The following ATE1 variants were observed in gnomAD, a reference collection of about 807,000 sequenced individuals.
ATE1 encodes arginyltransferase 1, also known as arginyl-tRNA--protein transferase 1.
A neutral mutation model predicts 70.5 loss-of-function variants in ATE1; 36 were observed. The ratio of observed to expected loss-of-function variants is 0.51; its 90% confidence interval spans 0.39 to 0.67. The LOEUF (loss-of-function observed/expected upper bound fraction) is 0.67. Among genes scored for constraint, ATE1 ranks in the 30% least tolerant of loss-of-function variants. ATE1 has a pLI of 0.00. For synonymous variants in ATE1, 232 were observed against 219.3 expected (o/e 1.06, Z -0.51); for missense variants, 593 against 629.5 (o/e 0.94, Z 0.62).
chr10:121,804,722 C>CT lies in ATE1; in HGVS notation c.1258-14434dup, dbSNP rs148382329. Among the ~76,000 whole-genome samples the CT allele has an allele frequency of 5.2e-3, 701 of 133,968 alleles. 6 individuals are homozygous for CT. Among genetic ancestry groups the CT allele is most frequent in the East Asian group, 0.014 (68 of 4,720 alleles). The allele number at this position is 133,968 out of a possible 152,430, so 87.9% of individuals were successfully genotyped here. A position where few individuals can be genotyped will look rare whatever the true frequency, so the allele number is the denominator to read the frequency against. On this transcript the variant is annotated intron_variant, in intron 10 of 11. Transcript: ENST00000224652. ...TGGTACGCAGCACACATTCTAGCAACTTTTTTTTTTTTTTTTTGCACTATA... is the reference window on the plus strand; with the variant it reads ...TGGTACGCAGCACACATTCTAGCAACTTTTTTTTTTTTTTTTTTGCACTATA...
At chr10:121,869,956 A>G in intron 8 of ATE1, 50 bp downstream of exon 8, 1 of 1,498,264 alleles carries the variant, frequency 6.7e-7, no homozygotes, top group Admixed American at 1.7e-5. Flanking sequence ...GATATCAACA[A>G]TGGTGTTCAA....
At chr10:121,857,072 CTTT>C (rs1188869833) in intron 8 of ATE1, among the ~76,000 whole-genome samples, 1 of 152,082 alleles carries the variant, frequency 6.6e-6, no homozygotes, top group Non-Finnish European at 1.5e-5. Context: ...GTTTGAACCA[CTTT>C]TTTATTTTTA....
chr10:121,842,532 A>G (rs1041097113), intron 8 of ATE1, among the ~76,000 whole-genome samples: 4 of 152,192 alleles, frequency 2.6e-5, no homozygotes, highest in African/African-American at 7.2e-5. Context: ...AAGAAAATAA[A>G]TCTACAAATC....
intron 11 of ATE1, among the ~76,000 whole-genome samples, chr10:121,764,650 T>A (rs1945200854): frequency 6.6e-6 from 1 of 152,132 alleles, no homozygotes; most frequent in African/African-American, 2.4e-5. Flanking sequence ...AATTAAAAAA[T>A]TTAAAATCGG....
At chr10:121,834,411 G>C (rs1590429061) in intron 10 of ATE1, among the ~76,000 whole-genome samples, 1 of 152,168 alleles carries the variant, frequency 6.6e-6, no homozygotes, top group South Asian at 2.1e-4. Flanking sequence ...AGCAGGCATG[G>C]GGGTACCTCT....
At chr10:121,884,930 T>G (rs766312438) in intron 7 of ATE1, among the ~76,000 whole-genome samples, 1 of 152,128 alleles carries the variant, frequency 6.6e-6, no homozygotes, top group Non-Finnish European at 1.5e-5. Context: ...TTGCCTAAGC[T>G]CTCTACTTTA....
In ATE1 at chr10:121,786,202, G is replaced by GT. The variant is rs66781912; in HGVS notation, c.1378+3966dup. The stretch of plus-strand genomic sequence containing the variant: ...TGGGAAACAGCACATGCTCAAGAAA[G>GT]TTTTTTTTTTTTTTTTTTTTTTTTT... On this transcript the variant is annotated intron_variant, in intron 11 of 11. Transcript: ENST00000224652. Among the ~76,000 whole-genome samples the GT allele has an allele frequency of 1.3e-4, 11 of 84,518 alleles. No homozygotes were observed. In the East Asian group the frequency reaches 1.9e-3, roughly 15 times the overall value. The allele number at this position is 84,518 out of a possible 152,430, so 55.4% of individuals were successfully genotyped here.
intron 11 of ATE1, among the ~76,000 whole-genome samples, chr10:121,755,915 T>C (rs1944780982): frequency 6.6e-6 from 1 of 152,108 alleles, no homozygotes; most frequent in African/African-American, 2.4e-5. Flanking sequence ...TCTCGTATCT[T>C]CACATTTTCA....
intron 11 of ATE1, among the ~76,000 whole-genome samples, chr10:121,774,250 A>G (rs1945641708): frequency 6.6e-6 from 1 of 152,190 alleles, no homozygotes; most frequent in Admixed American, 6.5e-5. Flanking sequence ...GAACTTTTAA[A>G]AACACGCATT....
intron 8 of ATE1, among the ~76,000 whole-genome samples, chr10:121,863,294 C>T (rs1949542161): frequency 6.8e-6 from 1 of 146,312 alleles, no homozygotes; most frequent in Non-Finnish European, 1.5e-5. Context: ...CTTTCTGTCA[C>T]CCAGGCTGGA....
intron 10 of ATE1, among the ~76,000 whole-genome samples, chr10:121,795,442 A>C (rs974700384): frequency 6.6e-6 from 1 of 152,178 alleles, no homozygotes; most frequent in Non-Finnish European, 1.5e-5. Flanking sequence ...AAAAAATATG[A>C]CAGTGTACAA....
In ATE1 at chr10:121,852,324, C is replaced by G. The variant is rs569397765; in HGVS notation, c.976-11061G>C. 9.9e-5 allele frequency among the ~76,000 whole-genome samples: 15 copies of G among 152,272 alleles called. No individual in the cohort carries two copies. The East Asian group carries it at 2.9e-3, about 29-fold the overall frequency. On this transcript the variant is annotated intron_variant, in intron 8 of 11. Coordinates refer to ENST00000224652, the MANE Select transcript of ATE1 (RefSeq NM_001001976.3). ...AGTAAATAACAGTTAATGGAGGCAC[C>G]CAAAGGTAATCCTTTTAGGCACCTG...
At chr10:121,745,813 T>A (rs1944347146) in intron 11 of ATE1, among the ~76,000 whole-genome samples, 1 of 152,010 alleles carries the variant, frequency 6.6e-6, no homozygotes, top group Non-Finnish European at 1.5e-5. Context: ...ATGGCAACAC[T>A]CTCTCTTAGA....
intron 10 of ATE1, among the ~76,000 whole-genome samples, chr10:121,790,999 T>C (rs1946415657): frequency 6.6e-6 from 1 of 151,374 alleles, no homozygotes; most frequent in Admixed American, 6.6e-5. Flanking sequence ...CATACATATA[T>C]GTGTATATAT....
At chr10:121,762,490 T>A (rs1190062521) in intron 11 of ATE1, among the ~76,000 whole-genome samples, 1 of 152,226 alleles carries the variant, frequency 6.6e-6, no homozygotes, top group Non-Finnish European at 1.5e-5. Flanking sequence ...ATGCATCTCC[T>A]GCCAGGGCCA....
intron 10 of ATE1, among the ~76,000 whole-genome samples, chr10:121,821,202 C>A (rs1177947036): frequency 6.6e-6 from 1 of 152,144 alleles, no homozygotes; most frequent in Non-Finnish European, 1.5e-5. Flanking sequence ...CCTCAGCCTC[C>A]CAAAGTGCTG....
At chr10:121,870,988 A>T (rs1230392782) in intron 7 of ATE1, among the ~76,000 whole-genome samples, 1 of 152,172 alleles carries the variant, frequency 6.6e-6, no homozygotes, top group Admixed American at 6.6e-5. Context: ...GTTTCCAAGC[A>T]CTCATGAACT....
chr10:121,909,974 C>G (rs893510593), intron 5 of ATE1, among the ~76,000 whole-genome samples: 2 of 152,142 alleles, frequency 1.3e-5, no homozygotes, highest in Non-Finnish European at 2.9e-5. Context: ...GCCCCAGGAG[C>G]TCAAGGCTGC....
chr10:121,927,952 C>G lies in ATE1; in HGVS notation c.-3G>C, dbSNP rs112652072. ...GAACCCCCCGCCCAGAAAGCCATGGCCTCGGCCCCGCGAACGCTCAGCCGC... is the reference window on the plus strand; with the variant it reads ...GAACCCCCCGCCCAGAAAGCCATGGGCTCGGCCCCGCGAACGCTCAGCCGC... On this transcript the variant is annotated 5_prime_UTR_variant, in exon 1 of 12. Coordinates refer to ENST00000224652, the MANE Select transcript of ATE1 (RefSeq NM_001001976.3). The G allele has an allele frequency of 6.5e-7, 1 of 1,539,608 alleles. No homozygotes were observed.
Sources: allele counts gnomAD v4.1 joint callset (sites outside exome capture counted in the v4.1 genomes callset), GRCh38; gene constraint gnomAD v4.1.1; transcripts MANE v1.5; gene names NCBI Gene and HGNC (gene_info 2026-07-23, HGNC 2026-07-21).